Variants in IARS1 observed in about 807,000 individuals in gnomAD.
The protein encoded by IARS1 is isoleucine--tRNA ligase, cytoplasmic.
A neutral mutation model predicts 168.2 loss-of-function variants in IARS1; 124 were observed. The observed-to-expected ratio is 0.74, with a 90% CI of 0.64 to 0.86. IARS1 has a LOEUF of 0.86. Ranked by LOEUF, IARS1 falls within the 40% of genes least tolerant of loss-of-function variation. The probability of loss-of-function intolerance (pLI) is 0.00; values close to 1 mark genes in which losing one functional copy is unlikely to be tolerated. For missense variants in IARS1, 1,452 were observed against 1,515.8 expected (o/e 0.96, Z 0.70); for synonymous variants, 532 against 529.4 (o/e 1.00, Z -0.07).
Position 92,274,515 on chromosome 9 carries a change from C to T in IARS1, c.901G>A (p.Glu301Lys), listed in dbSNP as rs752478837. 1.9e-6 allele frequency: 3 copies of T among 1,612,404 alleles called. No individual in the cohort carries two copies. The highest frequency in any genetic ancestry group is 2.5e-6 in the Non-Finnish European group (3 of 1,178,516). ...PLFDYFLKCK[E>K]NGAFTVLVDN... ...ACAAGCACAGTGAAAGCGCCATTCT[C>T]TTTACACTGGAAAGAAAGGACAGCA... The change falls in exon 10 of 34, where the codon GAG becomes AAG. Residue 301 changes from glutamate (E) to lysine (K), a missense_variant. Physicochemically the swap from Glu to Lys is moderately conservative, Grantham distance 56. Coordinates refer to ENST00000443024, the MANE Select transcript of IARS1 (RefSeq NM_002161.6).
chr9:92,240,817 C>T, intron 30 of IARS1, 39 bp downstream of exon 30: 1 of 1,285,856 alleles, frequency 7.8e-7, no homozygotes. Flanking sequence ...ATAAGTATAA[C>T]TAAAAAAAAG....
chr9:92,214,210 T>G (rs377413816), intron 33 of IARS1, among the ~76,000 whole-genome samples: 1 of 151,298 alleles, frequency 6.6e-6, no homozygotes, highest in Non-Finnish European at 1.5e-5. Flanking sequence ...AACAGAAACA[T>G]AACAGAACAA....
intron 25 of IARS1, among the ~76,000 whole-genome samples, chr9:92,248,974 A>G (rs772172282): frequency 6.6e-6 from 1 of 152,244 alleles, no homozygotes; most frequent in Non-Finnish European, 1.5e-5. Context: ...GACAACTGAC[A>G]CTATAAACTT....
chr9:92,291,484 T>C (rs1442151443), intron 1 of IARS1, among the ~76,000 whole-genome samples: 1 of 152,238 alleles, frequency 6.6e-6, no homozygotes, highest in African/African-American at 2.4e-5. Flanking sequence ...TGAGTGCCTC[T>C]GAGTTTAATT....
In IARS1 at chr9:92,227,461, G is replaced by A. The variant is rs10992275; in HGVS notation, c.3409+1540C>T. 2.4e-3 allele frequency among the ~76,000 whole-genome samples: 361 copies of A among 147,704 alleles called. 1 individual carries two copies. Among genetic ancestry groups the A allele is most frequent in the Non-Finnish European group, 3.9e-3 (258 of 66,270 alleles). ...TGACCCCCCCACCTCCCTCCCGGAC[G>A]GGGCGGCTGGCCAGGCAGAGAGGCT... On this transcript the variant is annotated intron_variant, in intron 31 of 33. Transcript: ENST00000443024.
At chr9:92,216,630 C>T (rs1838751740) in intron 33 of IARS1, among the ~76,000 whole-genome samples, 3 of 132,630 alleles carry the variant, frequency 2.3e-5, no homozygotes, top group Non-Finnish European at 3.2e-5. Flanking sequence ...ATCCTAGTCT[C>T]GGATAAAACA....
intron 10 of IARS1, 64 bp downstream of exon 10, chr9:92,274,362 T>A: frequency 8.1e-7 from 1 of 1,228,542 alleles, no homozygotes; most frequent in Non-Finnish European, 1.2e-6. Flanking sequence ...GACACAGGAC[T>A]CCGCATCTAT....
At chr9:92,267,654 C>T (rs1397703417) in intron 14 of IARS1, among the ~76,000 whole-genome samples, 2 of 152,166 alleles carry the variant, frequency 1.3e-5, no homozygotes, top group African/African-American at 2.4e-5. Context: ...CCATCACACC[C>T]GGCCTAAAGT....
chr9:92,271,749 T>C, intron 10 of IARS1, 94 bp from the exon 11 acceptor site: 1 of 1,329,980 alleles, frequency 7.5e-7, no homozygotes, highest in Non-Finnish European at 1.1e-6. Context: ...TTCTATATTG[T>C]AACATATACA....
chr9:92,262,991 C>A lies in IARS1; in HGVS notation c.1765G>T (p.Val589Leu). Residue 589 changes from valine to leucine, a missense_variant, in exon 17 of 34, where the codon GTG (valine) becomes TTG (leucine). By Grantham distance (32) the Val-to-Leu change is conservative (BLOSUM62 1). Coordinates refer to ENST00000443024, the MANE Select transcript of IARS1 (RefSeq NM_002161.6). ...FGQPPFKNVI[V>L]NGLVLASDGQ... ...TACCTTGCCAGGACAAGCCCATTCA[C>A]AATTACGTTCTTGAAAGGCGGTTGT... 6.2e-7 allele frequency: 1 copy of A among 1,613,918 alleles called. No homozygotes were observed. The highest frequency in any genetic ancestry group is 8.5e-7 in the Non-Finnish European group (1 of 1,179,882).
intron 4 of IARS1, among the ~76,000 whole-genome samples, chr9:92,286,848 A>T (rs1256947737): frequency 6.6e-6 from 1 of 152,266 alleles, no homozygotes; most frequent in Non-Finnish European, 1.5e-5. Context: ...ATATTCACTT[A>T]TAAAAGTCTA....
At chr9:92,265,413 C>T (rs1205402433) in intron 15 of IARS1, 67 bp downstream of exon 15, 1 of 1,381,440 alleles carries the variant, frequency 7.2e-7, no homozygotes, top group Admixed American at 1.7e-5. Context: ...GCTCTGTAAT[C>T]TGCTAGAGAC....
At chr9:92,235,683 T>C (rs991342361) in intron 30 of IARS1, among the ~76,000 whole-genome samples, 21 of 151,766 alleles carry the variant, frequency 1.4e-4, no homozygotes, top group African/African-American at 3.4e-4. Context: ...CGCGCCACCA[T>C]GCCCGGCTAA....
intron 31 of IARS1, among the ~76,000 whole-genome samples, chr9:92,228,018 C>CA (rs1826035571): frequency 6.6e-6 from 1 of 152,088 alleles, no homozygotes; most frequent in Non-Finnish European, 1.5e-5. Flanking sequence ...GAGCTGAGAT[C>CA]ACGCCACTGC....
At chr9:92,238,729 T>C (rs1237151620) in intron 30 of IARS1, among the ~76,000 whole-genome samples, 1 of 152,230 alleles carries the variant, frequency 6.6e-6, no homozygotes, top group Non-Finnish European at 1.5e-5. Context: ...GTATAGTCTT[T>C]TCTTAGTGGT....
At position 92,242,240 on chromosome 9, in the gene IARS1, C is replaced by G. The variant is rs201773352; in HGVS notation, c.3091G>C (p.Glu1031Gln). The G allele has an allele frequency of 7.8e-5, 126 of 1,613,652 alleles. 1 individual carries two copies. Among genetic ancestry groups the G allele is most frequent in the Admixed American group, 1.7e-5 (1 of 60,002 alleles). The change falls in exon 29 of 34, where the codon GAG becomes CAG. Residue 1031 changes from glutamate (E) to glutamine (Q), a missense_variant. Glu to Gln is a conservative substitution (Grantham distance 29). Transcript: ENST00000443024. ...GCCTTTATGGTGGTAAATATGAACT[C>G]TGTGTGGCTTTCAATAACACTATTC... Reference protein sequence around the residue: ...YLNSVIESHTEFIFTTIKAPL... With the variant: ...YLNSVIESHTQFIFTTIKAPL...
At chr9:92,224,970 CACA>C (rs1825429361) in intron 31 of IARS1, among the ~76,000 whole-genome samples, 1 of 152,172 alleles carries the variant, frequency 6.6e-6, no homozygotes, top group Admixed American at 6.5e-5. Context: ...CCACGGGCTC[CACA>C]ACATTACTTC....
chr9:92,218,176 C>T (rs1315086381), intron 33 of IARS1, among the ~76,000 whole-genome samples: 1 of 150,598 alleles, frequency 6.6e-6, no homozygotes, highest in Non-Finnish European at 1.5e-5. Context: ...ACAAAAACCA[C>T]ATGATTATCT....
intron 6 of IARS1, among the ~76,000 whole-genome samples, chr9:92,285,311 G>A (rs1419835218): frequency 6.6e-6 from 1 of 152,044 alleles, no homozygotes; most frequent in African/African-American, 2.4e-5. Flanking sequence ...AATACCATTT[G>A]GCATCTCAAA....
Sources: allele counts gnomAD v4.1 joint callset (sites outside exome capture counted in the v4.1 genomes callset), GRCh38; gene constraint gnomAD v4.1.1; transcripts MANE v1.5; gene names NCBI Gene and HGNC (gene_info 2026-07-23, HGNC 2026-07-21).